GPC5: variants seen among roughly 807,000 people sequenced by gnomAD.
GPC5 encodes glypican 5, also known as glypican-5.
GPC5 carries 47 observed loss-of-function variants against 53.9 expected under a neutral mutation model. The ratio of observed to expected loss-of-function variants is 0.87; its 90% CI spans 0.69 to 1.11. GPC5 has a LOEUF of 1.11. GPC5 is among the 50% of genes most tolerant of loss of function. GPC5 has a pLI of 0.00. For synonymous variants in GPC5, 286 were observed against 263.3 expected (o/e 1.09, Z -0.84); for missense variants, 748 against 713.1 (o/e 1.05, Z -0.56).
At chr13:91,630,084 C>T (rs1160848113) in intron 2 of GPC5, among the ~76,000 whole-genome samples, 1 of 152,140 alleles carries the variant, frequency 6.6e-6, no homozygotes, top group South Asian at 2.1e-4. Flanking sequence ...CAAAGAATGA[C>T]TCCTTGTAGC....
chr13:91,595,834 C>T (rs1307395292), intron 2 of GPC5, among the ~76,000 whole-genome samples: 2 of 152,164 alleles, frequency 1.3e-5, no homozygotes. Flanking sequence ...AGCTGGCTTG[C>T]TGTCCCCACC....
chr13:92,685,488 G>A (rs968546494), intron 7 of GPC5, among the ~76,000 whole-genome samples: 7 of 149,000 alleles, frequency 4.7e-5, no homozygotes, highest in Admixed American at 2.0e-4. Flanking sequence ...GATAAGGCAA[G>A]TCTGACCCTC....
At chr13:91,929,005 A>G (rs2039795757) in intron 6 of GPC5, among the ~76,000 whole-genome samples, 1 of 152,060 alleles carries the variant, frequency 6.6e-6, no homozygotes, top group Admixed American at 6.6e-5. Flanking sequence ...TTTCCTCTCA[A>G]TTCTTTTCCT....
chr13:92,343,817 T>C (rs2043387104), intron 7 of GPC5, among the ~76,000 whole-genome samples: 1 of 152,088 alleles, frequency 6.6e-6, no homozygotes, highest in Non-Finnish European at 1.5e-5. Flanking sequence ...AAACCTATTA[T>C]TTATAAAATT....
chr13:92,458,654 G>C (rs1018760000), intron 7 of GPC5, among the ~76,000 whole-genome samples: 9 of 152,050 alleles, frequency 5.9e-5, no homozygotes, highest in African/African-American at 1.7e-4. Context: ...GAAAAAGAGA[G>C]AAAGAGGAAG....
At chr13:91,886,996 T>C (rs748190659) in intron 5 of GPC5, among the ~76,000 whole-genome samples, 13 of 152,150 alleles carry the variant, frequency 8.5e-5, no homozygotes, top group Non-Finnish European at 1.5e-4. Flanking sequence ...CCAGTAAGGA[T>C]TCTGTGTGGG....
At chr13:91,778,199 CTT>C (rs1486290384) in intron 5 of GPC5, among the ~76,000 whole-genome samples, 1 of 152,118 alleles carries the variant, frequency 6.6e-6, no homozygotes, top group Non-Finnish European at 1.5e-5. Context: ...CAAATTTAGA[CTT>C]TTGTTCTCTT....
intron 6 of GPC5, among the ~76,000 whole-genome samples, chr13:91,964,739 AC>A (rs545799546): frequency 1.3e-3 from 199 of 152,240 alleles, no homozygotes; most frequent in African/African-American, 4.5e-3. Context: ...CTGGGTATAT[AC>A]CCAAAGGATT....
intron 6 of GPC5, among the ~76,000 whole-genome samples, chr13:91,935,013 C>A (rs2139036954): frequency 6.6e-6 from 1 of 152,018 alleles, no homozygotes; most frequent in South Asian, 2.1e-4. Context: ...GCTAGATTTG[C>A]ATTTGGAAAA....
intron 7 of GPC5, among the ~76,000 whole-genome samples, chr13:92,223,548 G>A (rs536934441): frequency 6.6e-6 from 1 of 151,536 alleles, no homozygotes; most frequent in African/African-American, 2.4e-5. Flanking sequence ...CTACAATTGG[G>A]TTATATTTCT....
chr13:92,482,278 G>C (rs1196191026), intron 7 of GPC5, among the ~76,000 whole-genome samples: 9 of 152,110 alleles, frequency 5.9e-5, no homozygotes, highest in Non-Finnish European at 2.9e-5. Context: ...CCACCATTCT[G>C]TTTTAATCTA....
At chr13:92,254,859 G>A (rs867626694) in intron 7 of GPC5, among the ~76,000 whole-genome samples, 1 of 152,036 alleles carries the variant, frequency 6.6e-6, no homozygotes, top group Non-Finnish European at 1.5e-5. Context: ...ACCTCCCATG[G>A]GGTCCCTCCC....
At chr13:92,822,839 G>A (rs531460995) in intron 7 of GPC5, among the ~76,000 whole-genome samples, 17 of 152,186 alleles carry the variant, frequency 1.1e-4, no homozygotes, top group African/African-American at 4.1e-4. Flanking sequence ...AACTCTTACG[G>A]ATCTTGTCTT....
chr13:92,016,535 TA>T (rs2040708818), intron 6 of GPC5, among the ~76,000 whole-genome samples: 1 of 152,170 alleles, frequency 6.6e-6, no homozygotes, highest in Non-Finnish European at 1.5e-5. Flanking sequence ...TTTGATTTCA[TA>T]TGCTTGATTC....
intron 7 of GPC5, among the ~76,000 whole-genome samples, chr13:92,639,718 T>C (rs1176250732): frequency 6.6e-6 from 1 of 152,220 alleles, no homozygotes; most frequent in Admixed American, 6.5e-5. Context: ...AAAAACCAGG[T>C]ATCTGTACAT....
At chr13:92,068,320 AT>A (rs1199666992) in intron 6 of GPC5, among the ~76,000 whole-genome samples, 1 of 151,862 alleles carries the variant, frequency 6.6e-6, no homozygotes, top group Non-Finnish European at 1.5e-5. Context: ...TTATTTTATA[AT>A]TGGGTATTGG....
chr13:92,296,951 C>G (rs538539442), intron 7 of GPC5, among the ~76,000 whole-genome samples: 4 of 152,240 alleles, frequency 2.6e-5, no homozygotes, highest in Non-Finnish European at 4.4e-5. Flanking sequence ...CCTCCCACCC[C>G]CTCCATGGGC....
At chr13:92,715,014 A>G (rs1888280843) in intron 7 of GPC5, among the ~76,000 whole-genome samples, 1 of 152,142 alleles carries the variant, frequency 6.6e-6, no homozygotes, top group Non-Finnish European at 1.5e-5. Context: ...GCAGTGAGCC[A>G]AGATCACGCC....
intron 7 of GPC5, among the ~76,000 whole-genome samples, chr13:92,547,839 T>TTC (rs1882175025): frequency 1.0e-5 from 1 of 98,230 alleles, no homozygotes; most frequent in Non-Finnish European, 2.4e-5. Context: ...TTTTTTTTTT[T>TTC]TTTTCTTTTT....
Sources: gnomAD v4.1 joint callset for allele counts (sites outside exome capture counted in the v4.1 genomes callset) on GRCh38, gnomAD v4.1.1 for gene constraint, MANE v1.5 for transcripts, NCBI Gene and HGNC (gene_info 2026-07-23, HGNC 2026-07-21) for gene names.